PACS1: variants seen among roughly 807,000 people sequenced by gnomAD.
PACS1 encodes phosphofurin acidic cluster sorting protein 1, also known as PACS-1.
PACS1 carries 24 observed loss-of-function variants against 115.0 expected under a neutral mutation model. That is an observed-to-expected ratio of 0.21 (90% CI 0.15 to 0.29). The LOEUF (loss-of-function observed/expected upper bound fraction) is 0.29. PACS1 is among the 10% of genes least tolerant of loss of function. The pLI, the probability that PACS1 is intolerant of heterozygous loss-of-function variation, is 1.00. For synonymous variants in PACS1, 453 were observed against 504.5 expected (o/e 0.90, Z 1.37); for missense variants, 838 against 1,251.2 (o/e 0.67, Z 4.98).
chr11:66,118,143 G>C (rs1304643774), intron 1 of PACS1, among the ~76,000 whole-genome samples: 1 of 152,206 alleles, frequency 6.6e-6, no homozygotes, highest in Non-Finnish European at 1.5e-5. Context: ...TTTGAGGTAG[G>C]TATAAGTAAA....
intron 1 of PACS1, chr11:66,084,196 A>C (rs868598416): frequency 6.6e-6 from 1 of 152,312 alleles, no homozygotes; most frequent in African/African-American, 2.4e-5. Flanking sequence ...GAAAGACCTC[A>C]GAAAGCGAGC....
chr11:66,099,385 G>A (rs887604858), intron 1 of PACS1, among the ~76,000 whole-genome samples: 6 of 147,738 alleles, frequency 4.1e-5, no homozygotes, highest in South Asian at 2.2e-4. Context: ...CACCACACTC[G>A]GCTAATTTTT....
intron 1 of PACS1, among the ~76,000 whole-genome samples, chr11:66,071,896 C>G (rs1857315260): frequency 6.6e-6 from 1 of 152,114 alleles, no homozygotes; most frequent in South Asian, 2.1e-4. Flanking sequence ...TATATATATC[C>G]CAGATAGGAA....
In PACS1 at chr11:66,070,949, C is replaced by A; in HGVS notation, c.356+107C>A. On this transcript the variant is annotated intron_variant, in intron 1 of 23. Transcript: ENST00000320580. This position sits in a 1 kb window ranked among gnomAD's most constrained non-coding sequence, Gnocchi z 5.9. ...GGGTCCCCGCCCTCCATCTCCCCGA[C>A]TGTCCCGCGGCCCGGCCTGGCTCCA... is the stretch of plus-strand genomic sequence containing the variant. 1 of 1,150,742 alleles carries A rather than the reference C, an allele frequency of 8.7e-7. No homozygotes were observed. The highest frequency in any genetic ancestry group is 1.1e-6 in the Non-Finnish European group (1 of 882,844). The allele number at this position is 1,150,742 out of a possible 1,614,324, so 71.3% of individuals were successfully genotyped here.
At chr11:66,207,171 C>A (rs185057061) in intron 2 of PACS1, among the ~76,000 whole-genome samples, 1 of 152,108 alleles carries the variant, frequency 6.6e-6, no homozygotes, top group Non-Finnish European at 1.5e-5. Context: ...ACCTCGATAC[C>A]ATTATCACAC....
intron 1 of PACS1, among the ~76,000 whole-genome samples, chr11:66,123,168 G>A (rs1441172950): frequency 6.7e-6 from 1 of 150,208 alleles, no homozygotes; most frequent in African/African-American, 2.5e-5. Flanking sequence ...GCAACTTGCA[G>A]AGGGCTCAGA....
intron 10 of PACS1, among the ~76,000 whole-genome samples, chr11:66,226,100 A>T (rs1198972587): frequency 1.3e-5 from 2 of 152,200 alleles, no homozygotes; most frequent in African/African-American, 4.8e-5. Context: ...TGAACCCGGG[A>T]GGCAGAGGTT....
Position 66,216,752 on chromosome 11 carries a change from A to T in PACS1, c.955A>T (p.Thr319Ser). 2 of 1,613,806 alleles carry T rather than the reference A, an allele frequency of 1.2e-6. No individual in the cohort carries two copies. The highest frequency in any genetic ancestry group is 8.5e-7 in the Non-Finnish European group (1 of 1,179,866). Residue 319 changes from threonine to serine, a missense_variant, in exon 7 of 24, where the codon ACC becomes TCC. Physicochemically the swap from Thr to Ser is moderately conservative, Grantham distance 58 (BLOSUM62 1). Transcript: ENST00000320580. The stretch of plus-strand genomic sequence containing the variant: ...AGTGAAGAAGACCCGGAGGAAACTA[A>T]CCTCAACCTCTGCCATCACAAGGGT... Reference protein sequence around the residue: ...RKVKKTRRKLTSTSAITRQPN... With the variant: ...RKVKKTRRKLSSTSAITRQPN...
At chr11:66,141,568 C>T (rs1356143139) in intron 1 of PACS1, among the ~76,000 whole-genome samples, 1 of 151,416 alleles carries the variant, frequency 6.6e-6, no homozygotes, top group Admixed American at 6.6e-5. Flanking sequence ...GCAGGAGAAT[C>T]ACTTGAACCC....
At chr11:66,193,069 G>A (rs1854564966) in intron 1 of PACS1, among the ~76,000 whole-genome samples, 1 of 152,142 alleles carries the variant, frequency 6.6e-6, no homozygotes, top group Admixed American at 6.6e-5. Context: ...CTCCTCCCTT[G>A]GTCTCCTCTT....
intron 17 of PACS1, among the ~76,000 whole-genome samples, chr11:66,234,629 G>A (rs1057035600): frequency 6.6e-6 from 1 of 152,182 alleles, no homozygotes; most frequent in South Asian, 2.1e-4. Flanking sequence ...ATCAAATAAA[G>A]GTGGCAGAGG....
intron 4 of PACS1, among the ~76,000 whole-genome samples, chr11:66,215,902 AAATAATAATAATAAT>A (rs71461611): frequency 1.1e-3 from 144 of 136,994 alleles, no homozygotes; most frequent in South Asian, 1.7e-3. Context: ...TCCGTCTCAA[AAATAATAATAATAAT>A]AATAATAATA....
chr11:66,077,413 TAGCC>T (rs1294549427), intron 1 of PACS1, among the ~76,000 whole-genome samples: 1 of 151,980 alleles, frequency 6.6e-6, no homozygotes, highest in East Asian at 1.9e-4. Flanking sequence ...TAAACAAAAT[TAGCC>T]AGGTGTGGTG....
At chr11:66,190,502 T>C (rs1854491489) in intron 1 of PACS1, among the ~76,000 whole-genome samples, 1 of 152,198 alleles carries the variant, frequency 6.6e-6, no homozygotes, top group African/African-American at 2.4e-5. Flanking sequence ...CTTGGCTCAC[T>C]GCAGCCTCCA....
chr11:66,111,313 A>C (rs1858181976), intron 1 of PACS1, among the ~76,000 whole-genome samples: 1 of 152,234 alleles, frequency 6.6e-6, no homozygotes, highest in African/African-American at 2.4e-5. Context: ...TTTATTGTTG[A>C]CTGCATGTTG....
intron 2 of PACS1, among the ~76,000 whole-genome samples, chr11:66,204,439 G>A (rs1202618369): frequency 6.6e-6 from 1 of 152,104 alleles, no homozygotes; most frequent in African/African-American, 2.4e-5. Context: ...GTACACTGTT[G>A]GTAGGAATGT....
At chr11:66,079,918 T>A (rs987621879) in intron 1 of PACS1, among the ~76,000 whole-genome samples, 1 of 152,206 alleles carries the variant, frequency 6.6e-6, no homozygotes, top group African/African-American at 2.4e-5. Context: ...CTGTTCCCTC[T>A]ACCTGTGATA....
chr11:66,171,054 T>C (rs1048098691), intron 1 of PACS1, among the ~76,000 whole-genome samples: 3 of 150,506 alleles, frequency 2.0e-5, no homozygotes, highest in Non-Finnish European at 4.4e-5. Flanking sequence ...CGTTTGAATA[T>C]TGGTAATGTT....
At chr11:66,222,768 C>T (rs1024281600) in intron 10 of PACS1, among the ~76,000 whole-genome samples, 2 of 152,104 alleles carry the variant, frequency 1.3e-5, no homozygotes, top group East Asian at 1.9e-4. Context: ...CTGAAAAGCA[C>T]GGGTCTGAAA....
Sources: allele counts gnomAD v4.1 joint callset (sites outside exome capture counted in the v4.1 genomes callset), GRCh38; gene constraint gnomAD v4.1.1; non-coding constraint Gnocchi (gnomAD v3.1); transcripts MANE v1.5; gene names NCBI Gene and HGNC (gene_info 2026-07-23, HGNC 2026-07-21).